The following SPSB4 variants were observed in gnomAD, a reference collection of about 807,000 sequenced individuals.
SPSB4 encodes the protein splA/ryanodine receptor domain and SOCS box containing 4, also known as SPRY domain-containing SOCS box protein 4.
A neutral mutation model predicts 20.9 loss-of-function variants in SPSB4; 21 were observed. The ratio of observed to expected loss-of-function variants is 1.01; its 90% confidence interval spans 0.71 to 1.45. The LOEUF (loss-of-function observed/expected upper bound fraction) is 1.45, where lower values mean the gene tolerates loss of function less well. Ranked by LOEUF, SPSB4 falls within the 40% of genes most tolerant of loss-of-function variation. The pLI is 0.00. For missense variants in SPSB4, 399 were observed against 399.2 expected (o/e 1.00, Z 0.00); for synonymous variants, 207 against 183.8 (o/e 1.13, Z -1.02).
intron 2 of SPSB4, among the ~76,000 whole-genome samples, chr3:141,076,596 G>A (rs767599395): frequency 4.6e-5 from 7 of 152,206 alleles, no homozygotes; most frequent in Admixed American, 2.6e-4. Flanking sequence ...GAGAAGTGCT[G>A]GTATCACAGT....
chr3:141,108,722 G>C (rs544978549), intron 2 of SPSB4, among the ~76,000 whole-genome samples: 2 of 152,238 alleles, frequency 1.3e-5, no homozygotes, highest in Non-Finnish European at 2.9e-5. Context: ...TGCAGGAGGC[G>C]TGGAGGAGAG....
At chr3:141,128,591 C>T (rs575009054) in intron 2 of SPSB4, among the ~76,000 whole-genome samples, 22 of 152,202 alleles carry the variant, frequency 1.4e-4, no homozygotes, top group East Asian at 3.9e-4. Flanking sequence ...GGAAGGGCAA[C>T]GGGGTGCCGG....
At chr3:141,096,480 G>A (rs534516423) in intron 2 of SPSB4, among the ~76,000 whole-genome samples, 1 of 152,274 alleles carries the variant, frequency 6.6e-6, no homozygotes, top group African/African-American at 2.4e-5. Context: ...TCCCTGTCCT[G>A]CCAGCTGGAT....
chr3:141,053,985 A>G (rs934571398), intron 1 of SPSB4, among the ~76,000 whole-genome samples: 1 of 151,964 alleles, frequency 6.6e-6, no homozygotes, highest in Non-Finnish European at 1.5e-5. Context: ...AGGCTCATTC[A>G]CTTGCTGTTC....
In SPSB4 at chr3:141,104,492, C is replaced by A. The variant is rs527953447; in HGVS notation, c.694+37694C>A. On this transcript the variant is annotated intron_variant, in intron 2 of 2. Coordinates refer to ENST00000310546, the MANE Select transcript of SPSB4 (RefSeq NM_080862.3). ...CTTTGAGGGCCTCCCAGACACACCC[C>A]CAAGGATCTCCTCTGCATGGCAGAT... Among the ~76,000 whole-genome samples the A allele has an allele frequency of 1.3e-5, 2 of 152,322 alleles. 1 individual carries two copies. Among genetic ancestry groups the A allele is most frequent in the South Asian group, 4.1e-4 (2 of 4,832 alleles).
At chr3:141,088,481 C>T (rs533647712) in intron 2 of SPSB4, among the ~76,000 whole-genome samples, 73 of 152,368 alleles carry the variant, frequency 4.8e-4, no homozygotes, top group African/African-American at 1.6e-3. Flanking sequence ...GCCCCCACCA[C>T]ATCCTCTCAG....
chr3:141,051,675 C>T lies in SPSB4; in HGVS notation c.-471C>T, dbSNP rs1277983425. Reference sequence around the variant, plus strand: ...GGTCAGGCGCCAAGCTTCCAAGCGGCTAGAGCGCGGGCCTTGGAGCGCCCC... The same window carrying T: ...GGTCAGGCGCCAAGCTTCCAAGCGGTTAGAGCGCGGGCCTTGGAGCGCCCC... On this transcript the variant is annotated 5_prime_UTR_variant, in exon 1 of 3. Transcript: ENST00000310546. 6.6e-6 allele frequency: 1 copy of T among 152,058 alleles called. No homozygotes were observed. The highest frequency in any genetic ancestry group is 2.4e-5 in the African/African-American group (1 of 41,428). 9.4% of individuals were successfully genotyped at this position (152,058 alleles called of 1,614,324 possible). A position where few individuals can be genotyped will look rare whatever the true frequency, so the allele number is the denominator to read the frequency against.
At chr3:141,075,892 C>CAAAAA (rs532646509) in intron 2 of SPSB4, among the ~76,000 whole-genome samples, 16 of 68,844 alleles carry the variant, frequency 2.3e-4, no homozygotes, top group Non-Finnish European at 4.1e-4. Flanking sequence ...ACTAAAAATA[C>CAAAAA]AAAAAAAAAA....
rs192214988 is a variant in SPSB4 at position 141,099,207 on chromosome 3, C to T, written c.694+32409C>T. Reference sequence around the variant, plus strand: ...TGACTTTTTTTTTTTTTTTTTGAGACGGAGTTTCGCTCTGTCGCCCAGGCT... The same window carrying T: ...TGACTTTTTTTTTTTTTTTTTGAGATGGAGTTTCGCTCTGTCGCCCAGGCT... On this transcript the variant is annotated intron_variant, in intron 2 of 2. Transcript: ENST00000310546. Among the ~76,000 whole-genome samples, 767 of 142,234 alleles carry T rather than the reference C, an allele frequency of 5.4e-3. 5 individuals carry two copies. Among genetic ancestry groups the T allele is most frequent in the Middle Eastern group, 0.037 (10 of 272 alleles). The allele number at this position is 142,234 out of a possible 152,430, so 93.3% of individuals were successfully genotyped here.
At chr3:141,102,136 G>A (rs1034524956) in intron 2 of SPSB4, among the ~76,000 whole-genome samples, 1 of 152,246 alleles carries the variant, frequency 6.6e-6, no homozygotes, top group Non-Finnish European at 1.5e-5. Context: ...CAGGCAGAAA[G>A]AGCAAGAAAT....
chr3:141,066,639 G>A lies in SPSB4; in HGVS notation c.535G>A (p.Val179Met), dbSNP rs1937888849. ...CTTTGCGCTGCCCGACTCGCTGCTC[G>A]TGGTGCTGGACATGGATGAGGGCAC... is the stretch of plus-strand genomic sequence containing the variant. Reference protein sequence around the residue: ...EAFALPDSLLVVLDMDEGTLS... With the variant: ...EAFALPDSLLMVLDMDEGTLS... The change falls in exon 2 of 3, where the codon GTG becomes ATG. Residue 179 changes from valine (V) to methionine (M), a missense_variant. By Grantham distance (21) the Val-to-Met change is conservative. Transcript: ENST00000310546. 6.2e-7 allele frequency: 1 copy of A among 1,611,568 alleles called. No homozygotes were observed. Among genetic ancestry groups the A allele is most frequent in the South Asian group, 1.1e-5 (1 of 90,760 alleles).
rs1346926039 is a variant in SPSB4 at position 141,080,101 on chromosome 3, T to TA, written c.694+13309dup. Among the ~76,000 whole-genome samples the TA allele has an allele frequency of 2.0e-5, 3 of 152,222 alleles. No homozygotes were observed. In the East Asian group the frequency reaches 5.8e-4, roughly 29 times the overall value. ...CCACTGGGACAGGTCTCCCCGCTGCTAAAAAATGGCATGTTGTTGGAACTT... is the reference window on the plus strand; with the variant it reads ...CCACTGGGACAGGTCTCCCCGCTGCTAAAAAAATGGCATGTTGTTGGAACTT... On this transcript the variant is annotated intron_variant, in intron 2 of 2. Coordinates refer to ENST00000310546, the MANE Select transcript of SPSB4 (RefSeq NM_080862.3).
intron 2 of SPSB4, among the ~76,000 whole-genome samples, chr3:141,076,066 TA>T (rs1228709625): frequency 6.9e-6 from 1 of 144,348 alleles, no homozygotes; most frequent in Non-Finnish European, 1.5e-5. Flanking sequence ...CTCAAAAAAG[TA>T]AAAAATAAAT....
intron 2 of SPSB4, among the ~76,000 whole-genome samples, chr3:141,110,977 A>G (rs545045723): frequency 1.9e-3 from 290 of 152,342 alleles, no homozygotes; most frequent in South Asian, 5.0e-3. Context: ...AAACCTGTGC[A>G]TGTAACAAAG....
intron 2 of SPSB4, among the ~76,000 whole-genome samples, chr3:141,092,611 A>G (rs1938476127): frequency 6.6e-6 from 1 of 152,134 alleles, no homozygotes; most frequent in South Asian, 2.1e-4. Flanking sequence ...CTTTGCCCAG[A>G]CACCCCTTCC....
At chr3:141,071,657 C>G (rs1394392515) in intron 2 of SPSB4, among the ~76,000 whole-genome samples, 1 of 152,144 alleles carries the variant, frequency 6.6e-6, no homozygotes, top group Non-Finnish European at 1.5e-5. Context: ...GCCAACCTGC[C>G]CAAGCCTGCC....
intron 2 of SPSB4, among the ~76,000 whole-genome samples, chr3:141,140,197 A>G (rs898083951): frequency 6.6e-6 from 1 of 151,514 alleles, no homozygotes; most frequent in Non-Finnish European, 1.5e-5. Flanking sequence ...GGTCCTTTAA[A>G]GACTTCTCTG....
intron 2 of SPSB4, among the ~76,000 whole-genome samples, chr3:141,143,574 G>A (rs1005218299): frequency 2.0e-5 from 3 of 152,230 alleles, no homozygotes; most frequent in African/African-American, 7.2e-5. Flanking sequence ...TGTTTAGTGT[G>A]CTGGCTTTCT....
At chr3:141,060,894 C>A (rs1937748453) in intron 1 of SPSB4, among the ~76,000 whole-genome samples, 1 of 152,094 alleles carries the variant, frequency 6.6e-6, no homozygotes, top group Admixed American at 6.5e-5. Context: ...TCAAAGGAAC[C>A]ATTTGTTTTT....
Sources: gnomAD v4.1 joint callset for allele counts (sites outside exome capture counted in the v4.1 genomes callset) on GRCh38, gnomAD v4.1.1 for gene constraint, MANE v1.5 for transcripts, NCBI Gene and HGNC (gene_info 2026-07-23, HGNC 2026-07-21) for gene names.